Variants in PPP2R2A observed in about 807,000 individuals in gnomAD.
PPP2R2A encodes the protein protein phosphatase 2 regulatory subunit Balpha, also known as serine/threonine-protein phosphatase 2A 55 kDa regulatory subunit B alpha isoform.
A neutral mutation model predicts 53.2 loss-of-function variants in PPP2R2A; 9 were observed. The ratio of observed to expected loss-of-function variants is 0.17; its 90% confidence interval spans 0.10 to 0.30. PPP2R2A has a LOEUF of 0.30. Among genes scored for constraint, PPP2R2A ranks in the 10% least tolerant of loss-of-function variants. The pLI is 1.00. For missense variants in PPP2R2A, 235 were observed against 534.6 expected (o/e 0.44, Z 5.53); for synonymous variants, 169 against 174.2 (o/e 0.97, Z 0.23).
chr8:26,357,073 A>G (rs1462122659), intron 4 of PPP2R2A, among the ~76,000 whole-genome samples: 2 of 152,208 alleles, frequency 1.3e-5, no homozygotes, highest in Non-Finnish European at 2.9e-5. Context: ...CCAATGTGGA[A>G]GGATAAAGCA....
rs566731560 is a variant in PPP2R2A at position 26,371,481 on chromosome 8, G to C, written c.*1068G>C. 1 of 151,240 alleles carries C rather than the reference G, an allele frequency of 6.6e-6. No homozygotes were observed. The highest frequency in any genetic ancestry group is 2.1e-4 in the South Asian group (1 of 4,786). The allele number at this position is 151,240 out of a possible 1,614,324, so 9.4% of individuals were successfully genotyped here. ...TGTAGAACTTAATTTCTACTTTTTA[G>C]AGTGCTTAATTTCATTTTTGCCTTA... On this transcript the variant is annotated 3_prime_UTR_variant, in exon 10 of 10. Coordinates refer to ENST00000380737, the MANE Select transcript of PPP2R2A (RefSeq NM_002717.4).
intron 2 of PPP2R2A, among the ~76,000 whole-genome samples, chr8:26,317,634 G>C (rs1802623154): frequency 6.6e-6 from 1 of 152,202 alleles, no homozygotes; most frequent in African/African-American, 2.4e-5. Flanking sequence ...CTAAAAATTA[G>C]TAGCACTTCC....
chr8:26,322,918 T>G (rs1183975308), intron 2 of PPP2R2A, among the ~76,000 whole-genome samples: 1 of 152,194 alleles, frequency 6.6e-6, no homozygotes, highest in Non-Finnish European at 1.5e-5. Context: ...CACTAAAAAG[T>G]CTCCAAGTCA....
intron 3 of PPP2R2A, among the ~76,000 whole-genome samples, chr8:26,351,538 C>T (rs139389182): frequency 2.6e-4 from 40 of 152,298 alleles, no homozygotes; most frequent in African/African-American, 9.6e-4. Flanking sequence ...GAAAAGTTCT[C>T]TTGGGTCCTG....
intron 3 of PPP2R2A, among the ~76,000 whole-genome samples, chr8:26,341,057 C>T (rs945978633): frequency 6.6e-6 from 1 of 152,050 alleles, no homozygotes; most frequent in Non-Finnish European, 1.5e-5. Context: ...TCATGTGTCT[C>T]ATTCTTCTTA....
chr8:26,369,733 AACAGCT>A (rs1350598291), intron 9 of PPP2R2A, among the ~76,000 whole-genome samples: 3 of 152,210 alleles, frequency 2.0e-5, no homozygotes, highest in African/African-American at 7.2e-5. Context: ...GTTTCTTGTG[AACAGCT>A]ACAGCTACTT....
At chr8:26,319,804 C>T (rs575789336) in intron 2 of PPP2R2A, among the ~76,000 whole-genome samples, 2 of 152,152 alleles carry the variant, frequency 1.3e-5, no homozygotes, top group East Asian at 3.9e-4. Flanking sequence ...CATGGAATGT[C>T]TTTTCATTTA....
At chr8:26,347,413 G>C (rs1373265796) in intron 3 of PPP2R2A, among the ~76,000 whole-genome samples, 1 of 138,236 alleles carries the variant, frequency 7.2e-6, no homozygotes, top group Non-Finnish European at 1.6e-5. Flanking sequence ...CATGTGCATG[G>C]AGGGTTTTTT....
intron 3 of PPP2R2A, among the ~76,000 whole-genome samples, chr8:26,350,423 G>T (rs1804434184): frequency 6.6e-6 from 1 of 152,010 alleles, no homozygotes; most frequent in South Asian, 2.1e-4. Flanking sequence ...TTTGAGACAG[G>T]GTGTTTCTTT....
rs1268627751 is a variant in PPP2R2A, at chr8:26,338,120, C to A, written c.83-770C>A. 6.6e-6 allele frequency among the ~76,000 whole-genome samples: 1 copy of A among 152,170 alleles called. No individual in the cohort carries two copies. The highest frequency in any genetic ancestry group is 1.5e-5 in the Non-Finnish European group (1 of 68,028). ...TATAGTGAAGAACTTCTTAATGACA[C>A]AGTGATGAATTTTACCATGTTACTG... On this transcript the variant is annotated intron_variant, in intron 2 of 9. Transcript: ENST00000380737. This position sits in a 1 kb window ranked among gnomAD's most constrained non-coding sequence, Gnocchi z 4.5.
At chr8:26,359,323 C>A (rs1280094131) in intron 4 of PPP2R2A, among the ~76,000 whole-genome samples, 1 of 152,074 alleles carries the variant, frequency 6.6e-6, no homozygotes, top group African/African-American at 2.4e-5. Flanking sequence ...TAGTGGAAAA[C>A]CTGGTTAAAT....
intron 2 of PPP2R2A, among the ~76,000 whole-genome samples, chr8:26,316,854 C>G (rs576076973): frequency 6.6e-6 from 1 of 152,332 alleles, no homozygotes; most frequent in South Asian, 2.1e-4. Context: ...ACCTCCCTTC[C>G]AAATACATCA....
rs1802821682 is a variant in PPP2R2A at position 26,321,194 on chromosome 8, T to C, written c.83-17696T>C. Among the ~76,000 whole-genome samples the C allele has an allele frequency of 6.6e-6, 1 of 152,208 alleles. No homozygotes were observed. The highest frequency in any genetic ancestry group is 2.4e-5 in the African/African-American group (1 of 41,450). ...AGTAGGAGTAAGTGACAGGACCTAC[T>C]TTGAATAGCCAGAGTTAGAATTGAA... On this transcript the variant is annotated intron_variant, in intron 2 of 9. Coordinates refer to ENST00000380737, the MANE Select transcript of PPP2R2A (RefSeq NM_002717.4). This position sits in a 1 kb window ranked among gnomAD's most constrained non-coding sequence, Gnocchi z 4.1.
intron 2 of PPP2R2A, among the ~76,000 whole-genome samples, chr8:26,301,494 G>A (rs1228763534): frequency 6.6e-6 from 1 of 151,780 alleles, no homozygotes; most frequent in South Asian, 2.1e-4. Context: ...CACCACGCCC[G>A]GCTAGTTTTT....
At chr8:26,316,273 G>A (rs932067381) in intron 2 of PPP2R2A, among the ~76,000 whole-genome samples, 14 of 152,228 alleles carry the variant, frequency 9.2e-5, no homozygotes, top group Non-Finnish European at 1.3e-4. Flanking sequence ...CTCCCAAAGC[G>A]CTGGAATTAT....
In PPP2R2A at chr8:26,343,536, T is replaced by C. The variant is rs963220510; in HGVS notation, c.180+4549T>C. On this transcript the variant is annotated intron_variant, in intron 3 of 9. Coordinates refer to ENST00000380737, the MANE Select transcript of PPP2R2A (RefSeq NM_002717.4). Reference sequence around the variant, plus strand: ...ACAGGTGCACACCACCACACCTGGCTAATTTTTGCATTTTTGGTAGAGATG... The same window carrying C: ...ACAGGTGCACACCACCACACCTGGCCAATTTTTGCATTTTTGGTAGAGATG... Among the ~76,000 whole-genome samples, 5 of 152,136 alleles carry C rather than the reference T, an allele frequency of 3.3e-5. No individual in the cohort carries two copies. In the South Asian group the frequency reaches 1.0e-3, roughly 32 times the overall value.
rs1481576586 is a variant in PPP2R2A, at chr8:26,370,240, G to A, written c.1171G>A (p.Val391Ile). ...ASRENNKPRT[V>I]LKPRKVCASG... is the part of the protein sequence containing the mutation. ...GCGGGAAAACAATAAGCCTCGCACA[G>A]TTCTGAAGCCTCGCAAAGTCTGTGC... The change falls in exon 10 of 10, where the codon GTT (valine) becomes ATT (isoleucine). Residue 391 changes from valine (V) to isoleucine (I), a missense_variant. Physicochemically the swap from Val to Ile is conservative, Grantham distance 29. Around this residue, in one of 3 missense-constraint regions of PPP2R2A, gnomAD observed 181 missense variants for 409.9 expected, o/e 0.44. Transcript: ENST00000380737. This position sits in a 1 kb window ranked among gnomAD's most constrained non-coding sequence, Gnocchi z 6.1. 8 of 1,614,144 alleles carry A rather than the reference G, an allele frequency of 5.0e-6. No individual in the cohort carries two copies. Among genetic ancestry groups the A allele is most frequent in the Non-Finnish European group, 6.8e-6 (8 of 1,180,008 alleles).
chr8:26,351,405 T>C (rs1804505548), intron 3 of PPP2R2A, among the ~76,000 whole-genome samples: 1 of 152,142 alleles, frequency 6.6e-6, no homozygotes, highest in African/African-American at 2.4e-5. Flanking sequence ...AAAAATAAAT[T>C]GTAGAATTAA....
In PPP2R2A at chr8:26,360,461, T is replaced by A. The variant is rs1805021586; in HGVS notation, c.459+180T>A. ...ATAGAAACTGACCTACATAGAGGTCTCACTTTGGCCAGGGACAGAAGCAGG... is the reference window on the plus strand; with the variant it reads ...ATAGAAACTGACCTACATAGAGGTCACACTTTGGCCAGGGACAGAAGCAGG... On this transcript the variant is annotated intron_variant, in intron 5 of 9. Coordinates refer to ENST00000380737, the MANE Select transcript of PPP2R2A (RefSeq NM_002717.4). This position sits in a 1 kb window ranked among gnomAD's most constrained non-coding sequence, Gnocchi z 4.5. 1 of 402,220 alleles carries A rather than the reference T, an allele frequency of 2.5e-6. No homozygotes were observed. Among genetic ancestry groups the A allele is most frequent in the Non-Finnish European group, 4.4e-6 (1 of 227,584 alleles). The allele number at this position is 402,220 out of a possible 1,614,324, so 24.9% of individuals were successfully genotyped here. A position where few individuals can be genotyped will look rare whatever the true frequency, so the allele number is the denominator to read the frequency against.
Sources: gnomAD v4.1 joint callset for allele counts (sites outside exome capture counted in the v4.1 genomes callset) on GRCh38, gnomAD v4.1.1 for gene constraint, gnomAD v4.1.1 regional missense constraint, Gnocchi (gnomAD v3.1) non-coding constraint, MANE v1.5 for transcripts, NCBI Gene and HGNC (gene_info 2026-07-23, HGNC 2026-07-21) for gene names.